UCP3: variants seen among roughly 807,000 people sequenced by gnomAD.
The protein encoded by UCP3 is uncoupling protein 3.
In UCP3, 24 loss-of-function variants were observed where a neutral mutation model predicts 28.1. The ratio of observed to expected loss-of-function variants is 0.85; its 90% CI spans 0.62 to 1.20. The LOEUF is 1.20. Ranked by LOEUF, UCP3 falls within the 50% of genes most tolerant of loss-of-function variation. UCP3 has a pLI of 0.00. For missense variants in UCP3, 397 were observed against 422.2 expected, an observed-to-expected ratio of 0.94 and a Z score of 0.52; for synonymous variants, 184 against 171.2, an observed-to-expected ratio of 1.07 and a Z score of -0.59.
In UCP3 at chr11:74,004,578, C is replaced by G. The variant is rs143643530; in HGVS notation, c.549G>C (p.Leu183Phe). 5.0e-6 allele frequency: 8 copies of G among 1,610,930 alleles called. No individual in the cohort carries two copies. In the African/African-American group the frequency reaches 1.1e-4, roughly 22 times the overall value. ...EGVRGLWKGT[L>F]PNIMRNAIVN... ...CGATAGCATTCCTCATGATGTTGGG[C>G]AAAGTTCCTGTTAGGAAGGCGGTGG... is the stretch of plus-strand genomic sequence containing the variant. Residue 183 changes from leucine to phenylalanine, a missense_variant, in exon 5 of 7, where the codon TTG becomes TTC. Transcript: ENST00000314032.
Position 74,006,946 on chromosome 11 carries a change from G to A in UCP3, c.97C>T (p.Pro33Ser). The A allele has an allele frequency of 6.2e-7, 1 of 1,614,228 alleles. No individual in the cohort carries two copies. The highest frequency in any genetic ancestry group is 8.5e-7 in the Non-Finnish European group (1 of 1,180,038). Residue 33 changes from proline to serine, a missense_variant, in exon 2 of 7, where the codon CCA becomes TCA. Pro to Ser is a moderately conservative substitution (Grantham distance 74). Coordinates refer to ENST00000314032, the MANE Select transcript of UCP3 (RefSeq NM_003356.4). ...AACFADLVTF[P>S]LDTAKVRLQI... is the part of the protein sequence containing the mutation. ...AGGCGGACCTTGGCTGTGTCCAGTG[G>A]AAAGGTAACGAGGTCAGCAAAACAG...
Position 74,003,820 on chromosome 11 carries a change from G to A in UCP3, c.824+7C>T. 1 of 1,586,970 alleles carries A rather than the reference G, an allele frequency of 6.3e-7. No individual in the cohort carries two copies. The highest frequency in any genetic ancestry group is 8.6e-7 in the Non-Finnish European group (1 of 1,166,572). On this transcript the variant is annotated splice_region_variant and intron_variant, in intron 6 of 6. Coordinates refer to ENST00000314032, the MANE Select transcript of UCP3 (RefSeq NM_003356.4). ...GGAGGGAGTGCTGGAGGCAGGAGGA[G>A]GCTCACCCCTTGTAGAAGGCTGTGG...
intron 6 of UCP3, 185 bp from the exon 7 acceptor site, chr11:74,001,711 C>A: frequency 1.7e-6 from 1 of 596,982 alleles, no homozygotes; most frequent in Non-Finnish European, 2.9e-6. Flanking sequence ...AGGCAGAAGT[C>A]GGAGTAAGGA....
Position 74,005,946 on chromosome 11 carries a change from G to C in UCP3, c.338-13C>G. The C allele has an allele frequency of 5.6e-6, 9 of 1,613,690 alleles. No individual in the cohort carries two copies. The highest frequency in any genetic ancestry group is 7.6e-6 in the Non-Finnish European group (9 of 1,179,916). ...GTGAGGCTGGAGTCTGGGAGGGGCA[G>C]AGAGAGTGGGCCAGTGTCCCCTACT... On this transcript the variant is annotated splice_polypyrimidine_tract_variant and intron_variant, in intron 3 of 6. Coordinates refer to ENST00000314032, the MANE Select transcript of UCP3 (RefSeq NM_003356.4).
chr11:74,006,144 G>C (rs1343885185), intron 3 of UCP3, 25 bp downstream of exon 3: 4 of 1,613,144 alleles, frequency 2.5e-6, no homozygotes, highest in Admixed American at 1.7e-5. Context: ...CCACCCCTTT[G>C]GTGTTCAGGG....
At chr11:74,008,639 G>A (rs1410061259) in intron 1 of UCP3, among the ~76,000 whole-genome samples, 1 of 152,134 alleles carries the variant, frequency 6.6e-6, no homozygotes, top group Non-Finnish European at 1.5e-5. Flanking sequence ...TGGAGGAATC[G>A]CAGAGATTCT....
intron 1 of UCP3, among the ~76,000 whole-genome samples, chr11:74,008,441 A>T (rs1280171184): frequency 6.6e-6 from 1 of 151,626 alleles, no homozygotes; most frequent in Non-Finnish European, 1.5e-5. Flanking sequence ...TGCCTCCCCA[A>T]CTCCAACCCA....
chr11:74,004,628 G>C (rs1229283390), intron 4 of UCP3, 43 bp from the exon 5 acceptor site: 1 of 1,565,074 alleles, frequency 6.4e-7, no homozygotes, highest in South Asian at 1.1e-5. Flanking sequence ...TGGGTGGGGA[G>C]GGAGGAATGG....
At chr11:74,008,354 C>T (rs180764258) in intron 1 of UCP3, among the ~76,000 whole-genome samples, 6 of 152,292 alleles carry the variant, frequency 3.9e-5, no homozygotes, top group Admixed American at 3.9e-4. Flanking sequence ...TAGGAATCTG[C>T]ATTAGGAAAA....
rs139398702 is a variant in UCP3 at position 74,003,939 on chromosome 11, C to A, written c.712G>T (p.Val238Leu). ...GFCATVVASP[V>L]DVVKTRYMNS... is the part of the protein sequence containing the mutation. ...ATATACCGGGTCTTCACCACGTCCA[C>A]CGGGGAGGCCACCACTGTGGCACAG... The change falls in exon 6 of 7, where the codon GTG (valine) becomes TTG (leucine). Residue 238 changes from valine to leucine, a missense_variant. By Grantham distance (32) the Val-to-Leu change is conservative (BLOSUM62 1). Coordinates refer to ENST00000314032, the MANE Select transcript of UCP3 (RefSeq NM_003356.4). The A allele has an allele frequency of 6.7e-5, 108 of 1,614,014 alleles. No homozygotes were observed. Among genetic ancestry groups the A allele is most frequent in the Non-Finnish European group, 9.2e-5 (108 of 1,180,038 alleles).
chr11:74,006,853 G>T, intron 2 of UCP3, 64 bp downstream of exon 2: 1 of 1,612,450 alleles, frequency 6.2e-7, no homozygotes. Flanking sequence ...CGTCATGGGG[G>T]ATATGGGAGA....
intron 6 of UCP3, chr11:74,001,889 T>C: frequency 3.3e-6 from 1 of 303,354 alleles, no homozygotes; most frequent in Non-Finnish European, 6.3e-6. Context: ...AGAGGTGCGG[T>C]TCTAACTCCA....
At chr11:74,008,945 G>C (rs1432201790) in intron 1 of UCP3, 33 bp downstream of exon 1, 2 of 152,490 alleles carry the variant, frequency 1.3e-5, no homozygotes, top group Non-Finnish European at 2.9e-5. Flanking sequence ...AGAGGGAGAG[G>C]GGAAGGGATG....
chr11:74,006,203 G>A lies in UCP3; in HGVS notation c.303C>T (p.Ser101=), dbSNP rs138003678. ...FASIRIGLYD[S]VKQVYTPKGA... is the part of the protein sequence containing the mutation. ...CTTTGGGGGTGTACACCTGCTTGAC[G>A]GAGTCATAGAGGCCGATGCGGATGG... is the stretch of plus-strand genomic sequence containing the variant. Residue 101 remains serine (S), a synonymous_variant, in exon 3 of 7, where the codon TCC becomes TCT. Coordinates refer to ENST00000314032, the MANE Select transcript of UCP3 (RefSeq NM_003356.4). The A allele has an allele frequency of 2.8e-4, 457 of 1,614,158 alleles. No individual in the cohort carries two copies. The highest frequency in any genetic ancestry group is 3.6e-4 in the Non-Finnish European group (424 of 1,180,044).
At position 74,006,399 on chromosome 11, in the gene UCP3, G is replaced by A; in HGVS notation, c.127-20C>T. 1 of 1,528,714 alleles carries A rather than the reference G, an allele frequency of 6.5e-7. No individual in the cohort carries two copies. Among genetic ancestry groups the A allele is most frequent in the Non-Finnish European group, 8.7e-7 (1 of 1,142,904 alleles). 94.7% of individuals were successfully genotyped at this position (1,528,714 alleles called of 1,614,324 possible). A position where few individuals can be genotyped will look rare whatever the true frequency, so the allele number is the denominator to read the frequency against. Reference sequence around the variant, plus strand: ...CTGGATCTGAGGGACAATAGCAGGGGGTGAGGACTCAGATGGGAAGGCAAG... The same window carrying A: ...CTGGATCTGAGGGACAATAGCAGGGAGTGAGGACTCAGATGGGAAGGCAAG... On this transcript the variant is annotated intron_variant, in intron 2 of 6. Transcript: ENST00000314032.
chr11:74,004,592 G>A lies in UCP3; in HGVS notation c.542-7C>T. ...ATGATGTTGGGCAAAGTTCCTGTTA[G>A]GAAGGCGGTGGGGAGGGATGTGAAA... On this transcript the variant is annotated splice_polypyrimidine_tract_variant and splice_region_variant and intron_variant, in intron 4 of 6. Coordinates refer to ENST00000314032, the MANE Select transcript of UCP3 (RefSeq NM_003356.4). The A allele has an allele frequency of 2.5e-6, 4 of 1,612,928 alleles. No homozygotes were observed. Among genetic ancestry groups the A allele is most frequent in the East Asian group, 2.2e-5 (1 of 44,848 alleles).
chr11:74,007,655 C>T (rs1159069789), intron 1 of UCP3, among the ~76,000 whole-genome samples: 1 of 152,154 alleles, frequency 6.6e-6, no homozygotes, highest in Non-Finnish European at 1.5e-5. Flanking sequence ...TGGTCTTGAA[C>T]TCTTGGCCTC....
rs1951615564 is a variant in UCP3 at position 74,000,663 on chromosome 11, GT to G, written c.*748del. 6.6e-6 allele frequency: 1 copy of G among 152,232 alleles called. No homozygotes were observed. The highest frequency in any genetic ancestry group is 2.4e-5 in the African/African-American group (1 of 41,442). The allele number at this position is 152,232 out of a possible 1,614,324, so 9.4% of individuals were successfully genotyped here. A position where few individuals can be genotyped will look rare whatever the true frequency, so the allele number is the denominator to read the frequency against. On this transcript the variant is annotated 3_prime_UTR_variant, in exon 7 of 7. Transcript: ENST00000314032. ...CAGAGCTTTTGCTTTTATAAAGTGC[GT>G]TCATGCCCAGCTTCTCACTTGCATG... is the stretch of plus-strand genomic sequence containing the variant.
chr11:74,004,384 C>G, intron 5 of UCP3, 100 bp downstream of exon 5: 1 of 1,113,792 alleles, frequency 9.0e-7, no homozygotes, highest in Non-Finnish European at 1.3e-6. Flanking sequence ...CTCTCTGCTC[C>G]TTCTAAAACC....
Sources: allele counts gnomAD v4.1 joint callset (sites outside exome capture counted in the v4.1 genomes callset), GRCh38; gene constraint gnomAD v4.1.1; transcripts MANE v1.5; gene names NCBI Gene and HGNC (gene_info 2026-07-23, HGNC 2026-07-21).